The following STOX1 variants were observed in gnomAD, a reference collection of about 807,000 sequenced individuals.
STOX1 encodes the protein storkhead-box protein 1.
A neutral mutation model predicts 74.8 loss-of-function variants in STOX1; 57 were observed. That is an observed-to-expected ratio of 0.76 (90% confidence interval 0.62 to 0.95). The LOEUF is 0.95. STOX1 is among the 40% of genes least tolerant of loss of function. The pLI is 0.00. For synonymous variants in STOX1, 375 were observed against 401.3 expected (o/e 0.93, Z 0.78); for missense variants, 1,010 against 1,117.0 (o/e 0.90, Z 1.37).
intron 1 of STOX1, among the ~76,000 whole-genome samples, chr10:68,845,342 T>C (rs1173756810): frequency 1.3e-5 from 2 of 150,452 alleles, no homozygotes; most frequent in African/African-American, 2.5e-5. Flanking sequence ...GGCGCCATCT[T>C]GGCTCACTGC....
chr10:68,880,232 GAGTGCAATGGTGC>G (rs1840783215), intron 1 of STOX1, among the ~76,000 whole-genome samples: 1 of 149,624 alleles, frequency 6.7e-6, no homozygotes, highest in South Asian at 2.1e-4. Context: ...ACCTACGCAG[GAGTGCAATGGTGC>G]AGTCATAGCT....
At chr10:68,842,957 C>G (rs2071439045) in intron 1 of STOX1, among the ~76,000 whole-genome samples, 1 of 152,162 alleles carries the variant, frequency 6.6e-6, no homozygotes, top group African/African-American at 2.4e-5. Flanking sequence ...TGACTGTATT[C>G]ATTTGATGGA....
rs556362193 is a variant in STOX1, at chr10:68,827,676, G to T, written c.53G>T (p.Arg18Leu). 5.3e-6 allele frequency: 6 copies of T among 1,121,800 alleles called. No homozygotes were observed. Among genetic ancestry groups the T allele is most frequent in the South Asian group, 4.2e-5 (1 of 23,614 alleles). 69.5% of individuals were successfully genotyped at this position (1,121,800 alleles called of 1,614,324 possible). ...GGCTCGCTGGCGCTAGTGCTGTGCC[G>T]GCTGGAGGCGCAGAAGGCGGCGGGG... ...APGSLALVLC[R>L]LEAQKAAGAA... The change falls in exon 1 of 4, where the codon CGG (arginine) becomes CTG (leucine). Residue 18 changes from arginine to leucine, a missense_variant. Transcript: ENST00000298596.
Position 68,860,842 on chromosome 10 carries a change from CCTT to C in STOX1, c.311-21109_311-21107del, listed in dbSNP as rs570001661. Among the ~76,000 whole-genome samples, 236 of 152,136 alleles carry C rather than the reference CCTT, an allele frequency of 1.6e-3. 2 individuals are homozygous for C. Among genetic ancestry groups the C allele is most frequent in the African/African-American group, 5.0e-3 (208 of 41,438 alleles). On this transcript the variant is annotated intron_variant, in intron 1 of 3. Transcript: ENST00000298596. ...GTAGAAGGCTTTGGCAGTGTATGTT[CCTT>C]CTTCTTAGGTGAGGAGAAGGTCATG...
At position 68,880,316 on chromosome 10, in the gene STOX1, C is replaced by G. The variant is rs138490517; in HGVS notation, c.311-1642C>G. On this transcript the variant is annotated intron_variant, in intron 1 of 3. Transcript: ENST00000298596. ...TCGCACCTTAGCCCCCTAGCAGCTA[C>G]GACAGGCACACCACCATCCTGGCTA... is the stretch of plus-strand genomic sequence containing the variant. 2.7e-3 allele frequency among the ~76,000 whole-genome samples: 405 copies of G among 152,100 alleles called. 1 individual carries two copies. Among genetic ancestry groups the G allele is most frequent in the African/African-American group, 8.8e-3 (367 of 41,518 alleles).
chr10:68,870,577 A>G (rs575984816), intron 1 of STOX1, among the ~76,000 whole-genome samples: 1 of 152,222 alleles, frequency 6.6e-6, no homozygotes, highest in Non-Finnish European at 1.5e-5. Context: ...ACATTAAATT[A>G]GGGAGATTAT....
intron 1 of STOX1, among the ~76,000 whole-genome samples, chr10:68,876,762 G>A (rs760054521): frequency 6.6e-6 from 1 of 152,150 alleles, no homozygotes; most frequent in Non-Finnish European, 1.5e-5. Context: ...TCCACAGCTG[G>A]CCTCGACTGA....
At chr10:68,882,860 G>T (rs1394104167) in intron 2 of STOX1, among the ~76,000 whole-genome samples, 1 of 152,054 alleles carries the variant, frequency 6.6e-6, no homozygotes, top group Non-Finnish European at 1.5e-5. Context: ...AACACATCTC[G>T]GAGATCTTTC....
chr10:68,847,571 G>A (rs898027220), intron 1 of STOX1, among the ~76,000 whole-genome samples: 2 of 151,894 alleles, frequency 1.3e-5, no homozygotes, highest in Non-Finnish European at 2.9e-5. Flanking sequence ...CACCACGCCC[G>A]GCTAATTTTT....
chr10:68,830,137 C>T (rs1420139726), intron 1 of STOX1, among the ~76,000 whole-genome samples: 2 of 152,072 alleles, frequency 1.3e-5, no homozygotes, highest in Non-Finnish European at 2.9e-5. Context: ...TTGCTGCCAT[C>T]TGAAATATGT....
chr10:68,827,843 C>T lies in STOX1; in HGVS notation c.220C>T (p.Arg74Cys), dbSNP rs1589211065. The T allele has an allele frequency of 7.9e-6, 2 of 251,592 alleles. No individual in the cohort carries two copies. The highest frequency in any genetic ancestry group is 1.0e-5 in the Non-Finnish European group (2 of 199,064). 15.6% of individuals were successfully genotyped at this position (251,592 alleles called of 1,614,324 possible). A position where few individuals can be genotyped will look rare whatever the true frequency, so the allele number is the denominator to read the frequency against. ...GCTGCGGCGGGGGGTGCTGCTGGTG[C>T]GCGCGCCCCCCGCCTGCCTGCAGGT... Reference protein sequence around the residue: ...GWLRRGVLLVRAPPACLQVLR... With the variant: ...GWLRRGVLLVCAPPACLQVLR... Residue 74 changes from arginine (R) to cysteine (C), a missense_variant, in exon 1 of 4, where the codon CGC (arginine) becomes TGC (cysteine). Arg to Cys is a radical substitution (Grantham distance 180). Transcript: ENST00000298596.
chr10:68,837,092 A>G (rs1839575656), intron 1 of STOX1, among the ~76,000 whole-genome samples: 1 of 152,182 alleles, frequency 6.6e-6, no homozygotes, highest in Non-Finnish European at 1.5e-5. Context: ...ACAGAGGGGC[A>G]AAAGGCTCAT....
At position 68,852,083 on chromosome 10, in the gene STOX1, G is replaced by A. The variant is rs375177792; in HGVS notation, c.310+24150G>A. On this transcript the variant is annotated intron_variant, in intron 1 of 3. Coordinates refer to ENST00000298596, the MANE Select transcript of STOX1 (RefSeq NM_152709.5). Reference sequence around the variant, plus strand: ...TGGGATGTGGAGGTTGCAGGGAGCCGAGATTGTGCCACCGCACTCCAGCCT... The same window carrying A: ...TGGGATGTGGAGGTTGCAGGGAGCCAAGATTGTGCCACCGCACTCCAGCCT... Among the ~76,000 whole-genome samples the A allele has an allele frequency of 3.9e-5, 6 of 152,016 alleles. No homozygotes were observed. In the East Asian group the frequency reaches 1.2e-3, roughly 30 times the overall value.
At chr10:68,867,883 A>G (rs1441827160) in intron 1 of STOX1, among the ~76,000 whole-genome samples, 2 of 152,270 alleles carry the variant, frequency 1.3e-5, no homozygotes, top group Non-Finnish European at 2.9e-5. Context: ...AAAAAGCCGC[A>G]TAAGGCGGCT....
chr10:68,886,855 G>C (rs1182628432), intron 3 of STOX1, among the ~76,000 whole-genome samples: 1 of 151,952 alleles, frequency 6.6e-6, no homozygotes, highest in Non-Finnish European at 1.5e-5. Flanking sequence ...GGGAGGTGGA[G>C]GTTGTAGTGA....
chr10:68,883,014 C>A (rs1244734282), intron 2 of STOX1, among the ~76,000 whole-genome samples: 1 of 152,182 alleles, frequency 6.6e-6, no homozygotes, highest in Admixed American at 6.5e-5. Context: ...CCTGCCTCAG[C>A]CTCCCAAGTA....
At chr10:68,866,590 C>T (rs904698147) in intron 1 of STOX1, among the ~76,000 whole-genome samples, 3 of 152,174 alleles carry the variant, frequency 2.0e-5, no homozygotes, top group African/African-American at 7.2e-5. Context: ...ATTTGAATTT[C>T]CCCATTACAA....
At chr10:68,846,416 C>G (rs575809551) in intron 1 of STOX1, among the ~76,000 whole-genome samples, 1 of 152,260 alleles carries the variant, frequency 6.6e-6, no homozygotes, top group African/African-American at 2.4e-5. Flanking sequence ...CCCCAAAGTC[C>G]TGGGATTACA....
intron 3 of STOX1, among the ~76,000 whole-genome samples, chr10:68,889,847 C>T (rs1841056097): frequency 6.6e-6 from 1 of 152,108 alleles, no homozygotes; most frequent in Non-Finnish European, 1.5e-5. Flanking sequence ...CAGGCATGAG[C>T]CACTGCGCCT....
Sources: gnomAD v4.1 joint callset for allele counts (sites outside exome capture counted in the v4.1 genomes callset) on GRCh38, gnomAD v4.1.1 for gene constraint, MANE v1.5 for transcripts, NCBI Gene and HGNC (gene_info 2026-07-23, HGNC 2026-07-21) for gene names.